The following SH3PXD2B variants were observed in gnomAD, a reference collection of about 807,000 sequenced individuals.
SH3PXD2B encodes the protein SH3 and PX domains 2B.
In SH3PXD2B, 37 loss-of-function variants were observed where a neutral mutation model predicts 73.1. That is an observed-to-expected ratio of 0.51 (90% CI 0.39 to 0.67). The LOEUF is 0.67. Ranked by LOEUF, SH3PXD2B falls within the 30% of genes least tolerant of loss-of-function variation. The pLI is 0.00. For synonymous variants in SH3PXD2B, 457 were observed against 480.5 expected (o/e 0.95, Z 0.64); for missense variants, 1,053 against 1,197.8 (o/e 0.88, Z 1.78).
intron 4 of SH3PXD2B, among the ~76,000 whole-genome samples, chr5:172,393,307 T>C (rs532600990): frequency 1.3e-5 from 2 of 152,352 alleles, no homozygotes; most frequent in South Asian, 4.1e-4. Flanking sequence ...TTATTCTTTT[T>C]GATGCTATTG....
intron 7 of SH3PXD2B, among the ~76,000 whole-genome samples, chr5:172,361,061 C>A (rs1757392854): frequency 6.6e-6 from 1 of 152,018 alleles, no homozygotes; most frequent in Non-Finnish European, 1.5e-5. Flanking sequence ...AAAATGTATA[C>A]AATGACACCA....
rs201531192 is a variant in SH3PXD2B at position 172,333,537 on chromosome 5, A to AT, written c.*4831dup. 6.8e-5 allele frequency: 74 copies of AT among 1,089,404 alleles called. No homozygotes were observed. The highest frequency in any genetic ancestry group is 6.5e-4 in the Middle Eastern group (2 of 3,072). The allele number at this position is 1,089,404 out of a possible 1,614,324, so 67.5% of individuals were successfully genotyped here. A position where few individuals can be genotyped will look rare whatever the true frequency, so the allele number is the denominator to read the frequency against. On this transcript the variant is annotated 3_prime_UTR_variant, in exon 13 of 13. Coordinates refer to ENST00000311601, the MANE Select transcript of SH3PXD2B (RefSeq NM_001017995.3). Reference sequence around the variant, plus strand: ...TTGAAACCAGTCAAGCACTTTTTTTATTTAAAAAAAAAAAAAGGAAAGAAG... The same window carrying AT: ...TTGAAACCAGTCAAGCACTTTTTTTATTTTAAAAAAAAAAAAAGGAAAGAAG...
At chr5:172,394,729 G>A in intron 3 of SH3PXD2B, 90 bp from the exon 4 acceptor site, 2 of 1,421,020 alleles carry the variant, frequency 1.4e-6, no homozygotes. Context: ...CGGTTCCTAG[G>A]GTAGGTCTGA....
Position 172,337,775 on chromosome 5 carries a change from C to A in SH3PXD2B, c.*594G>T. The A allele has an allele frequency of 2.0e-6, 2 of 995,618 alleles. No individual in the cohort carries two copies. Among genetic ancestry groups the A allele is most frequent in the Non-Finnish European group, 2.4e-6 (2 of 835,862 alleles). The allele number at this position is 995,618 out of a possible 1,614,324, so 61.7% of individuals were successfully genotyped here. On this transcript the variant is annotated 3_prime_UTR_variant, in exon 13 of 13. Coordinates refer to ENST00000311601, the MANE Select transcript of SH3PXD2B (RefSeq NM_001017995.3). ...AGGCCCACTCCTGGGGGAGCCGCAT[C>A]CAGTGGAACCTCAGAGGCCCACGGG...
At position 172,382,092 on chromosome 5, in the gene SH3PXD2B, A is replaced by G. The variant is rs746869042; in HGVS notation, c.345T>C (p.Cys115=). 4.3e-6 allele frequency: 7 copies of G among 1,611,528 alleles called. No homozygotes were observed. The highest frequency in any genetic ancestry group is 5.9e-6 in the Non-Finnish European group (7 of 1,179,134). Residue 115 remains cysteine (C), a synonymous_variant, in exon 5 of 13, where the codon TGT becomes TGC. Transcript: ENST00000311601. ...TCTCAAAGAACTGCAGCACCTCATC[A>G]CACTGAGAGATGTAGGGGGGCAGCT... ...LIQLPPYISQ[C]DEVLQFFETR...
chr5:172,431,012 G>A (rs1561938355), intron 1 of SH3PXD2B, among the ~76,000 whole-genome samples: 1 of 152,152 alleles, frequency 6.6e-6, no homozygotes, highest in Admixed American at 6.5e-5. Context: ...GATTACAGGC[G>A]CCCATCACCA....
chr5:172,402,716 C>T (rs1424870103), intron 3 of SH3PXD2B, among the ~76,000 whole-genome samples: 1 of 152,238 alleles, frequency 6.6e-6, no homozygotes, highest in African/African-American at 2.4e-5. Context: ...CCCGGAGCCT[C>T]AGTCTCCTCA....
chr5:172,354,780 C>T (rs1227935912), intron 8 of SH3PXD2B, among the ~76,000 whole-genome samples: 1 of 152,214 alleles, frequency 6.6e-6, no homozygotes, highest in Non-Finnish European at 1.5e-5. Flanking sequence ...CTCGAAGCTT[C>T]AACTTTCATT....
intron 1 of SH3PXD2B, among the ~76,000 whole-genome samples, chr5:172,431,271 T>C (rs1759232943): frequency 6.6e-6 from 1 of 152,228 alleles, no homozygotes; most frequent in South Asian, 2.1e-4. Context: ...TTCTCAGAAA[T>C]CTGGGATCAG....
chr5:172,435,810 G>T (rs1759375176), intron 1 of SH3PXD2B, among the ~76,000 whole-genome samples: 2 of 145,220 alleles, frequency 1.4e-5, no homozygotes, highest in Admixed American at 7.0e-5. Flanking sequence ...GGATAGCCAG[G>T]AACAAATTGG....
At chr5:172,365,783 AG>A (rs1326959770) in intron 6 of SH3PXD2B, among the ~76,000 whole-genome samples, 1 of 151,772 alleles carries the variant, frequency 6.6e-6, no homozygotes, top group African/African-American at 2.4e-5. Context: ...AGCTCTTTGA[AG>A]GTGCTGTCCA....
chr5:172,417,250 G>A (rs1230412153), intron 2 of SH3PXD2B, among the ~76,000 whole-genome samples: 1 of 152,212 alleles, frequency 6.6e-6, no homozygotes, highest in African/African-American at 2.4e-5. Context: ...CGAATAGCCT[G>A]GTCATGTGAC....
At chr5:172,380,107 A>G (rs1014559273) in intron 5 of SH3PXD2B, among the ~76,000 whole-genome samples, 1 of 152,062 alleles carries the variant, frequency 6.6e-6, no homozygotes, top group Admixed American at 6.6e-5. Flanking sequence ...CCCAGGCTGG[A>G]GTGCAGTGGC....
intron 2 of SH3PXD2B, among the ~76,000 whole-genome samples, chr5:172,409,337 G>A (rs890851551): frequency 7.3e-5 from 11 of 150,624 alleles, no homozygotes; most frequent in African/African-American, 1.3e-4. Flanking sequence ...AGCCGAGACC[G>A]CGCCATTGCA....
downstream of SH3PXD2B, chr5:172,333,458 T>C (rs777108373): frequency 5.4e-6 from 6 of 1,111,152 alleles, no homozygotes; most frequent in Non-Finnish European, 6.7e-6. Context: ...CAAAGCTATG[T>C]ACCCTTTCTC....
chr5:172,398,548 C>T (rs566301404), intron 3 of SH3PXD2B, among the ~76,000 whole-genome samples: 127 of 152,288 alleles, frequency 8.3e-4, no homozygotes, highest in Non-Finnish European at 1.0e-3. Context: ...AAGTTTGAGC[C>T]GCCGTGTTAC....
chr5:172,374,090 T>C (rs572110920), intron 5 of SH3PXD2B, among the ~76,000 whole-genome samples: 139 of 152,262 alleles, frequency 9.1e-4, no homozygotes, highest in African/African-American at 3.0e-3. Flanking sequence ...CCGAAGGGGA[T>C]TGCAGTTTGA....
At chr5:172,344,929 A>G (rs1365596564) in intron 12 of SH3PXD2B, among the ~76,000 whole-genome samples, 1 of 151,712 alleles carries the variant, frequency 6.6e-6, no homozygotes, top group Non-Finnish European at 1.5e-5. Flanking sequence ...AGGAGGATGG[A>G]AGAAAGGCAG....
chr5:172,399,553 A>C (rs1374701490), intron 3 of SH3PXD2B, among the ~76,000 whole-genome samples: 1 of 151,938 alleles, frequency 6.6e-6, no homozygotes, highest in African/African-American at 2.4e-5. Context: ...ATCTGTGCCA[A>C]CTCCTTAGAA....
Sources: allele counts gnomAD v4.1 joint callset (sites outside exome capture counted in the v4.1 genomes callset), GRCh38; gene constraint gnomAD v4.1.1; transcripts MANE v1.5; gene names NCBI Gene and HGNC (gene_info 2026-07-23, HGNC 2026-07-21).